Variants in ASPHD1 observed in about 807,000 individuals in gnomAD.
ASPHD1 encodes aspartate beta-hydroxylase domain-containing protein 1.
ASPHD1 carries 20 observed loss-of-function variants against 28.3 expected under a neutral mutation model. The ratio of observed to expected loss-of-function variants is 0.71; its 90% CI spans 0.50 to 1.03. The LOEUF is 1.03. Ranked by LOEUF, ASPHD1 falls within the 50% of genes least tolerant of loss-of-function variation. ASPHD1 has a pLI of 0.00. For synonymous variants in ASPHD1, 240 were observed against 221.2 expected, an observed-to-expected ratio of 1.08 and a Z score of -0.75; for missense variants, 479 against 524.1, an observed-to-expected ratio of 0.91 and a Z score of 0.84.
In ASPHD1 at chr16:29,901,056, AAC is replaced by A; in HGVS notation, c.87_88del (p.Asn29LysfsTer112). 6.2e-7 allele frequency: 1 copy of A among 1,604,182 alleles called. No individual in the cohort carries two copies. Among genetic ancestry groups the A allele is most frequent in the Non-Finnish European group, 8.5e-7 (1 of 1,175,288 alleles). On this transcript the variant is annotated frameshift_variant, in exon 1 of 3. Transcript: ENST00000308748. LOFTEE classifies it high-confidence loss of function. The surrounding 1 kb of genome is among the most constrained non-coding windows in gnomAD (Gnocchi z 5.1). ...ETAQSGMWKG[N>X]SPAGSQGAAM... ...AGCCCAGAGTGGAATGTGGAAGGGA[AAC>A]AGTCCAGCGGGGAGCCAGGGGGCAG...
In ASPHD1 at chr16:29,900,849, CGAGA is replaced by C. The variant is rs1183253252; in HGVS notation, c.-117_-114del. 6 of 842,642 alleles carry C rather than the reference CGAGA, an allele frequency of 7.1e-6. No individual in the cohort carries two copies. The highest frequency in any genetic ancestry group is 1.1e-5 in the Non-Finnish European group (6 of 539,200). 52.2% of individuals were successfully genotyped at this position (842,642 alleles called of 1,614,324 possible). A position where few individuals can be genotyped will look rare whatever the true frequency, so the allele number is the denominator to read the frequency against. ...ATTGAGGTGGGAGAGAGAAGCAGAG[CGAGA>C]GAGAGGAGGCTGCTGGAAGGAGAAA... is the stretch of plus-strand genomic sequence containing the variant. On this transcript the variant is annotated 5_prime_UTR_variant, in exon 1 of 3. Transcript: ENST00000308748.
intron 2 of ASPHD1, among the ~76,000 whole-genome samples, chr16:29,905,312 T>A (rs1218453258): frequency 6.6e-6 from 1 of 152,086 alleles, no homozygotes; most frequent in African/African-American, 2.4e-5. Context: ...AATACCACAG[T>A]TTGTTTTGAT....
chr16:29,918,980 G>A (rs1422585152), intron 3 of ASPHD1, among the ~76,000 whole-genome samples: 2 of 152,046 alleles, frequency 1.3e-5, no homozygotes, highest in Non-Finnish European at 2.9e-5. Flanking sequence ...TTTTAATAGA[G>A]ATGGGGTTTC....
In ASPHD1 at chr16:29,900,849, C is replaced by T. The variant is rs1405260848; in HGVS notation, c.-123C>T. On this transcript the variant is annotated 5_prime_UTR_variant, in exon 1 of 3. Coordinates refer to ENST00000308748, the MANE Select transcript of ASPHD1 (RefSeq NM_181718.4). The stretch of plus-strand genomic sequence containing the variant: ...ATTGAGGTGGGAGAGAGAAGCAGAG[C>T]GAGAGAGAGGAGGCTGCTGGAAGGA... 3 of 842,754 alleles carry T rather than the reference C, an allele frequency of 3.6e-6. No homozygotes were observed. The highest frequency in any genetic ancestry group is 1.7e-5 in the African/African-American group (1 of 57,626). The allele number at this position is 842,754 out of a possible 1,614,324, so 52.2% of individuals were successfully genotyped here.
At chr16:29,911,413 C>A in intron 3 of ASPHD1, 1 of 563,810 alleles carries the variant, frequency 1.8e-6, no homozygotes, top group Non-Finnish European at 3.1e-6. Flanking sequence ...GGGAGCCAGG[C>A]CACCTCCCCG....
intron 3 of ASPHD1, among the ~76,000 whole-genome samples, chr16:29,918,802 T>C (rs2068857309): frequency 6.6e-6 from 1 of 152,138 alleles, no homozygotes; most frequent in South Asian, 2.1e-4. Context: ...GGATTACAGA[T>C]GCCCACCACC....
At chr16:29,902,883 C>CTTTTTTTTTTTTTTTTTT (rs370689330) in intron 1 of ASPHD1, among the ~76,000 whole-genome samples, 1 of 107,552 alleles carries the variant, frequency 9.3e-6, no homozygotes, top group African/African-American at 4.0e-5. Flanking sequence ...GAGATTTTTT[C>CTTTTTTTTTTTTTTTTTT]TTTTTCTTTT....
At chr16:29,916,807 C>G (rs534085165) in intron 3 of ASPHD1, among the ~76,000 whole-genome samples, 66 of 152,314 alleles carry the variant, frequency 4.3e-4, no homozygotes, top group Non-Finnish European at 7.9e-4. Context: ...TGTCATGAAG[C>G]TGCAGTCTGG....
chr16:29,900,405 G>A (rs1200769090), upstream of ASPHD1: 1 of 157,486 alleles, frequency 6.3e-6, no homozygotes, highest in East Asian at 2.0e-4. Flanking sequence ...TGGCACCGTG[G>A]CCCCTGCGCC....
intron 1 of ASPHD1, among the ~76,000 whole-genome samples, chr16:29,903,365 GA>G (rs1035602656): frequency 1.0e-4 from 15 of 150,466 alleles, no homozygotes; most frequent in East Asian, 7.9e-4. Context: ...TCAAAAACAA[GA>G]AAAAAAAATT....
chr16:29,905,585 G>A (rs547506587), intron 2 of ASPHD1, among the ~76,000 whole-genome samples: 49 of 136,340 alleles, frequency 3.6e-4, no homozygotes, highest in African/African-American at 1.2e-3. Context: ...CCGAAATTGC[G>A]CCACTGCACT....
intron 3 of ASPHD1, chr16:29,913,490 G>T (rs535085572): frequency 6.6e-6 from 1 of 152,270 alleles, no homozygotes; most frequent in South Asian, 2.1e-4. Flanking sequence ...GTAACAAACT[G>T]CCCCCAATTT....
At chr16:29,915,282 A>G (rs1182349509) in intron 3 of ASPHD1, 1 of 152,202 alleles carries the variant, frequency 6.6e-6, no homozygotes, top group African/African-American at 2.4e-5. Flanking sequence ...CTCTGCCAAT[A>G]TAATTCTCTT....
At position 29,901,594 on chromosome 16, in the gene ASPHD1, A is replaced by T; in HGVS notation, c.623A>T (p.His208Leu). ...APFVPRDAQR[H>L]DVELLESSFP... ...TTTGTGCCGCGGGACGCCCAGCGGC[A>T]CGACGTGGAGCTCCTGGAGAGCAGC... Residue 208 changes from histidine to leucine, a missense_variant, in exon 1 of 3, where the codon CAC becomes CTC. By Grantham distance (99) the His-to-Leu change is moderately conservative. Transcript: ENST00000308748. This position sits in a 1 kb window ranked among gnomAD's most constrained non-coding sequence, Gnocchi z 5.1. 6.5e-7 allele frequency: 1 copy of T among 1,545,520 alleles called. No homozygotes were observed. Among genetic ancestry groups the T allele is most frequent in the Non-Finnish European group, 8.7e-7 (1 of 1,154,616 alleles).
At chr16:29,911,698 G>A (rs540337867) in intron 3 of ASPHD1, 76 of 1,089,938 alleles carry the variant, frequency 7.0e-5, no homozygotes, top group Non-Finnish European at 9.4e-5. Flanking sequence ...CCGAATCTGC[G>A]AGCAGGCACA....
In ASPHD1 at chr16:29,902,292, G is replaced by A. The variant is rs558005127; in HGVS notation, c.949+372G>A. On this transcript the variant is annotated intron_variant, in intron 1 of 2. Transcript: ENST00000308748. ...AATAATAAAACAATTAGCCGGGCGC[G>A]GTGGCCCATGCCTATGGTCCCAGCT... Among the ~76,000 whole-genome samples, 13 of 152,312 alleles carry A rather than the reference G, an allele frequency of 8.5e-5. 2 individuals carry two copies. Among genetic ancestry groups the A allele is most frequent in the African/African-American group, 2.4e-4 (10 of 41,574 alleles).
At chr16:29,911,242 G>A in intron 3 of ASPHD1, 3 of 1,226,254 alleles carry the variant, frequency 2.4e-6, no homozygotes, top group Non-Finnish European at 3.5e-6. Context: ...CAGAAGACGG[G>A]CCTGGATGCA....
At chr16:29,913,584 A>G (rs7201384) in intron 3 of ASPHD1, 75,871 of 151,966 alleles carry the variant, frequency 0.5, 19,099 homozygotes, top group Non-Finnish European at 0.54. Context: ...GCTCCGGCAC[A>G]GGGTCTCTTC....
downstream of ASPHD1, chr16:29,910,985 T>C: frequency 6.2e-7 from 1 of 1,613,908 alleles, no homozygotes; most frequent in Non-Finnish European, 8.5e-7. Context: ...GACCTTGGTC[T>C]GCTTCTTCTC....
Sources: gnomAD v4.1 joint callset for allele counts (sites outside exome capture counted in the v4.1 genomes callset) on GRCh38, gnomAD v4.1.1 for gene constraint, Gnocchi (gnomAD v3.1) non-coding constraint, MANE v1.5 for transcripts, NCBI Gene and HGNC (gene_info 2026-07-23, HGNC 2026-07-21) for gene names.